Variants in TTN observed in about 807,000 individuals in gnomAD.
The protein encoded by TTN is titin.
In TTN, 1,525 loss-of-function variants were observed where a neutral mutation model predicts 3,223.0. That is an observed-to-expected ratio of 0.47 (90% confidence interval 0.45 to 0.49). The LOEUF (loss-of-function observed/expected upper bound fraction) is 0.49, where lower values mean the gene tolerates loss of function less well. TTN is among the 20% of genes least tolerant of loss of function. The probability of loss-of-function intolerance (pLI) is 0.00; values close to 1 mark genes in which losing one functional copy is unlikely to be tolerated. For synonymous variants in TTN, 14,094 were observed against 15,161.0 expected (o/e 0.93, Z 5.17); for missense variants, 40,786 against 43,424.0 (o/e 0.94, Z 5.40).
At chr2:178,752,907 C>T (rs185789750) in intron 47 of TTN, among the ~76,000 whole-genome samples, 4 of 152,032 alleles carry the variant, frequency 2.6e-5, no homozygotes, top group East Asian at 1.9e-4. Context: ...ATTTTAAATA[C>T]AAAATTTTAA....
Position 178,759,176 on chromosome 2 carries a change from C to T in TTN, c.10115-4G>A, listed in dbSNP as rs367648529. On this transcript the variant is annotated splice_polypyrimidine_tract_variant and splice_region_variant and intron_variant, in intron 43 of 362. Transcript: ENST00000589042. ...CTGTACCACGACACTTTTAGATCTG[C>T]GACACAAAAGAAAAGAGATACTTCA... 191 of 1,613,668 alleles carry T rather than the reference C, an allele frequency of 1.2e-4. No homozygotes were observed. Among genetic ancestry groups the T allele is most frequent in the Middle Eastern group, 5.0e-4 (3 of 6,058 alleles).
chr2:178,748,068 C>T, intron 47 of TTN: 2 of 1,613,010 alleles, frequency 1.2e-6, no homozygotes. Context: ...ATTTCACCAA[C>T]CCCTAAAGGC....
At position 178,664,713 on chromosome 2, in the gene TTN, A is replaced by G; in HGVS notation, c.36143T>C (p.Val12048Ala). ...VKVPEALQEI[V>A]PEKKTLVVPL... The stretch of plus-strand genomic sequence containing the variant: ...AACCACAAGCGTTTTCTTTTCAGGG[A>G]CAATTTCTTGGAGAGCTTCAGGCAC... The change falls in exon 167 of 363, where the codon GTC becomes GCC. Residue 12048 changes from valine to alanine, a missense_variant. Physicochemically the swap from Val to Ala is moderately conservative, Grantham distance 64 (BLOSUM62 0). Coordinates refer to ENST00000589042, the MANE Select transcript of TTN (RefSeq NM_001267550.2). 1.2e-6 allele frequency: 2 copies of G among 1,612,428 alleles called. No homozygotes were observed. The highest frequency in any genetic ancestry group is 1.3e-5 in the African/African-American group (1 of 75,010).
In TTN at chr2:178,563,972, C is replaced by T. The variant is rs1704671662; in HGVS notation, c.82160G>A (p.Cys27387Tyr). ...CAAAGGTGGGTTCCATGCCAGGTAA[C>T]ATTTTTCCGCAGTAACTCCAGTAAC... ...LKVTGVTAEKCYLAWNPPLQD... is the reference protein window; with the variant it reads ...LKVTGVTAEKYYLAWNPPLQD... The change falls in exon 326 of 363, where the codon TGT (cysteine) becomes TAT (tyrosine). Residue 27387 changes from cysteine (C) to tyrosine (Y), a missense_variant. Cys to Tyr is a radical substitution (Grantham distance 194). Transcript: ENST00000589042. The surrounding 1 kb of genome is among the most constrained non-coding windows in gnomAD (Gnocchi z 4.5). The T allele has an allele frequency of 6.2e-7, 1 of 1,613,672 alleles. No individual in the cohort carries two copies. Among genetic ancestry groups the T allele is most frequent in the Non-Finnish European group, 8.5e-7 (1 of 1,179,740 alleles).
chr2:178,573,332 T>C lies in TTN; in HGVS notation c.72800A>G (p.Gln24267Arg), dbSNP rs1708915937. The change falls in exon 326 of 363, where the codon CAA becomes CGA. Residue 24267 changes from glutamine (Q) to arginine (R), a missense_variant. By Grantham distance (43) the Gln-to-Arg change is conservative. Transcript: ENST00000589042. ...TTTTTTGTTGCATTTAATCCAGCGTTGGCCAGCTTTATCACGCCGTTCCAC... is the reference window on the plus strand; with the variant it reads ...TTTTTTGTTGCATTTAATCCAGCGTCGGCCAGCTTTATCACGCCGTTCCAC... ...YIVERRDKAG[Q>R]RWIKCNKKTL... is the part of the protein sequence containing the mutation. 1 of 1,551,800 alleles carries C rather than the reference T, an allele frequency of 6.4e-7. No homozygotes were observed. Among genetic ancestry groups the C allele is most frequent in the Admixed American group, 2.0e-5 (1 of 51,154 alleles).
At chr2:178,623,625 G>A (rs1452929647) in intron 242 of TTN, among the ~76,000 whole-genome samples, 1 of 151,886 alleles carries the variant, frequency 6.6e-6, no homozygotes, top group Non-Finnish European at 1.5e-5. Flanking sequence ...TTTGACATAA[G>A]CTTGAGCAGA....
chr2:178,618,981 C>T (rs1244107305), intron 250 of TTN, 128 bp from the exon 251 acceptor site: 4 of 1,293,322 alleles, frequency 3.1e-6, no homozygotes, highest in Non-Finnish European at 4.2e-6. Flanking sequence ...AACTTTATAG[C>T]AGAGAAAACT....
intron 117 of TTN, among the ~76,000 whole-genome samples, 195 bp from the exon 118 acceptor site, chr2:178,694,203 T>C (rs1224145201): frequency 1.3e-5 from 2 of 152,116 alleles, no homozygotes; most frequent in Non-Finnish European, 2.9e-5. Flanking sequence ...GCAGCCTTCA[T>C]CAAACATTCT....
rs564581124 is a variant in TTN at position 178,533,164 on chromosome 2, G to A, written c.103451C>T (p.Ala34484Val). ...QKQIDKTLRM[A>V]EILSGTESVP... ...ACTTTCAGTTCCAGAAAGAATTTCA[G>A]CCATTCTGAGGGTTTTGTCAATTTG... Residue 34484 changes from alanine (A) to valine (V), a missense_variant, in exon 358 of 363, where the codon GCT becomes GTT. Physicochemically the swap from Ala to Val is moderately conservative, Grantham distance 64. Transcript: ENST00000589042. 22 of 1,613,842 alleles carry A rather than the reference G, an allele frequency of 1.4e-5. No homozygotes were observed. The highest frequency in any genetic ancestry group is 1.8e-5 in the Non-Finnish European group (21 of 1,179,888).
Position 178,647,071 on chromosome 2 carries a change from AG to A in TTN, c.40214del (p.Pro13405LeufsTer27). ...SITIGRKETP[P>X]VEEREIEKYI... ...ATATATATATATATATACCTTCAAC[AG>A]GGGGAGTCTCTTTTCTACCAATGGT... On this transcript the variant is annotated frameshift_variant, in exon 215 of 363. Transcript: ENST00000589042. LOFTEE classifies it high-confidence loss of function. 2 of 1,280,044 alleles carry A rather than the reference AG, an allele frequency of 1.6e-6. No individual in the cohort carries two copies. Among genetic ancestry groups the A allele is most frequent in the Non-Finnish European group, 1.0e-6 (1 of 974,480 alleles). The allele number at this position is 1,280,044 out of a possible 1,614,324, so 79.3% of individuals were successfully genotyped here.
At chr2:178,766,009 C>T (rs1218730803) in intron 41 of TTN, among the ~76,000 whole-genome samples, 1 of 152,092 alleles carries the variant, frequency 6.6e-6, no homozygotes, top group Non-Finnish European at 1.5e-5. Context: ...CTGGAAACAC[C>T]CCTTTCACTT....
chr2:178,738,208 G>C lies in TTN; in HGVS notation c.14245C>G (p.Arg4749Gly). 1 of 1,613,642 alleles carries C rather than the reference G, an allele frequency of 6.2e-7. No individual in the cohort carries two copies. The highest frequency in any genetic ancestry group is 8.5e-7 in the Non-Finnish European group (1 of 1,179,754). Residue 4749 changes from arginine (R) to glycine (G), a missense_variant, in exon 49 of 363, where the codon CGA becomes GGA. Arg to Gly is a moderately radical substitution (Grantham distance 125). Coordinates refer to ENST00000589042, the MANE Select transcript of TTN (RefSeq NM_001267550.2). ...EIYESDKCSI[R>G]SSKYISSLEI... The stretch of plus-strand genomic sequence containing the variant: ...AGGCTGGAGATATACTTTGAAGATC[G>C]AATAGAACACTTGTCACTCTCATAA...
At position 178,534,465 on chromosome 2, in the gene TTN, A is replaced by C; in HGVS notation, c.102150T>G (p.Val34050=). 1 of 1,613,556 alleles carries C rather than the reference A, an allele frequency of 6.2e-7. No individual in the cohort carries two copies. Among genetic ancestry groups the C allele is most frequent in the African/African-American group, 1.3e-5 (1 of 75,062 alleles). ...TCCTCTCTTTCACTAACAACCGGTCAACAAAATCCATGGCTTCAATGCTAA... is the reference window on the plus strand; with the variant it reads ...TCCTCTCTTTCACTAACAACCGGTCCACAAAATCCATGGCTTCAATGCTAA... The part of the protein sequence containing the change: ...KEISIEAMDF[V]DRLLVKERKS... Residue 34050 remains valine (V), a synonymous_variant, in exon 358 of 363, where the codon GTT becomes GTG. Transcript: ENST00000589042.
At chr2:178,671,224 C>T (rs963706985) in intron 155 of TTN, 54 bp from the exon 156 acceptor site, 64 of 1,366,314 alleles carry the variant, frequency 4.7e-5, no homozygotes, top group Non-Finnish European at 6.3e-5. Flanking sequence ...TATTTTGGAG[C>T]ACTACTACTA....
chr2:178,646,619 A>G (rs1352157492), intron 215 of TTN, 60 bp from the exon 216 acceptor site: 2 of 1,003,952 alleles, frequency 2.0e-6, no homozygotes, highest in Non-Finnish European at 3.0e-6. Context: ...AAAAAGACTC[A>G]TACAAATTTC....
chr2:178,532,080 T>C lies in TTN; in HGVS notation c.104535A>G (p.Pro34845=), dbSNP rs762701913. Residue 34845 remains proline (P), a synonymous_variant, in exon 358 of 363, where the codon CCA becomes CCG. Coordinates refer to ENST00000589042, the MANE Select transcript of TTN (RefSeq NM_001267550.2). ...CTGGCCTCATTAACTCAATATAAGT[T>C]GGAGACAGGGAGCGCCGTCGTCTCA... The part of the protein sequence containing the change: ...RLLRRRRSLS[P]TYIELMRPVS... 1 of 1,613,928 alleles carries C rather than the reference T, an allele frequency of 6.2e-7. No homozygotes were observed. The highest frequency in any genetic ancestry group is 8.5e-7 in the Non-Finnish European group (1 of 1,179,866).
In TTN at chr2:178,633,254, A is replaced by G. The variant is rs397517571; in HGVS notation, c.43019T>C (p.Ile14340Thr). 1.4e-5 allele frequency: 22 copies of G among 1,613,340 alleles called. No individual in the cohort carries two copies. Among genetic ancestry groups the G allele is most frequent in the Admixed American group, 1.0e-4 (6 of 59,994 alleles). The part of the protein sequence containing the change: ...VFVGETAHFE[I>T]ELSEPDVHGQ... ...GTGAACATCAGGTTCAGAAAGTTCA[A>G]TTTCAAAGTGGGCTGTTTCACCAAC... The change falls in exon 233 of 363, where the codon ATT (isoleucine) becomes ACT (threonine). Residue 14340 changes from isoleucine to threonine, a missense_variant. Transcript: ENST00000589042.
rs1699224969 is a variant in TTN at position 178,551,014 on chromosome 2, C to T, written c.91517G>A (p.Ser30506Asn). ...AATGCCAGAAGACTGTGAGGGCGGG[C>T]TTATAGTTCCAACAGCATTTCTTGC... ...IIARNAVGTISPPSQSSGIIM... is the reference protein window; with the variant it reads ...IIARNAVGTINPPSQSSGIIM... Residue 30506 changes from serine to asparagine, a missense_variant, in exon 336 of 363, where the codon AGC becomes AAC. Ser to Asn is a conservative substitution (Grantham distance 46). Coordinates refer to ENST00000589042, the MANE Select transcript of TTN (RefSeq NM_001267550.2). 6.2e-7 allele frequency: 1 copy of T among 1,613,378 alleles called. No individual in the cohort carries two copies. Among genetic ancestry groups the T allele is most frequent in the Non-Finnish European group, 8.5e-7 (1 of 1,179,598 alleles).
rs552112862 is a variant in TTN, at chr2:178,604,749, A to T, written c.54340T>A (p.Trp18114Arg). 5.0e-6 allele frequency: 8 copies of T among 1,611,962 alleles called. No homozygotes were observed. In the African/African-American group the frequency reaches 1.1e-4, roughly 22 times the overall value. ...ACAGCAGTGTTGGTGACTTCCTCCCATTCTGCTTTCTTCCTACTTGCATCA... is the reference window on the plus strand; with the variant it reads ...ACAGCAGTGTTGGTGACTTCCTCCCTTTCTGCTTTCTTCCTACTTGCATCA... Reference protein sequence around the residue: ...KRDASRKKAEWEEVTNTAVEK... With the variant: ...KRDASRKKAEREEVTNTAVEK... Residue 18114 changes from tryptophan (W) to arginine (R), a missense_variant, in exon 281 of 363, where the codon TGG becomes AGG. Coordinates refer to ENST00000589042, the MANE Select transcript of TTN (RefSeq NM_001267550.2).
Sources: allele counts gnomAD v4.1 joint callset (sites outside exome capture counted in the v4.1 genomes callset), GRCh38; gene constraint gnomAD v4.1.1; non-coding constraint Gnocchi (gnomAD v3.1); transcripts MANE v1.5; gene names NCBI Gene and HGNC (gene_info 2026-07-23, HGNC 2026-07-21).